The following MYCBP2 variants were observed in gnomAD, a reference collection of about 807,000 sequenced individuals.
The protein encoded by MYCBP2 is MYC binding protein 2, also known as E3 ubiquitin-protein ligase MYCBP2.
In MYCBP2, 120 loss-of-function variants were observed where a neutral mutation model predicts 525.3. The observed-to-expected ratio is 0.23, with a 90% CI of 0.20 to 0.27. The LOEUF (loss-of-function observed/expected upper bound fraction) is 0.27. Ranked by LOEUF, MYCBP2 falls within the 10% of genes least tolerant of loss-of-function variation. The pLI is 1.00. For synonymous variants in MYCBP2, 1,894 were observed against 1,955.8 expected (o/e 0.97, Z 0.83); for missense variants, 4,149 against 5,657.1 (o/e 0.73, Z 8.55).
intron 66 of MYCBP2, 33 bp from the exon 67 acceptor site, chr13:77,077,420 T>G: frequency 6.2e-7 from 1 of 1,611,010 alleles, no homozygotes; most frequent in Non-Finnish European, 8.5e-7. Context: ...GGAACCTGAT[T>G]CAGCTGGATC....
At chr13:77,112,982 CG>C (rs2154147340) in intron 55 of MYCBP2, among the ~76,000 whole-genome samples, 1 of 152,236 alleles carries the variant, frequency 6.6e-6, no homozygotes, top group South Asian at 2.1e-4. Context: ...TCTCCTTCCC[CG>C]TTTTCTCCTA....
At chr13:77,108,477 T>C (rs1473787412) in intron 55 of MYCBP2, among the ~76,000 whole-genome samples, 2 of 152,172 alleles carry the variant, frequency 1.3e-5, no homozygotes, top group African/African-American at 4.8e-5. Flanking sequence ...AGGTTGGATA[T>C]GCTTTTAAAA....
intron 62 of MYCBP2, among the ~76,000 whole-genome samples, chr13:77,084,688 TA>T (rs2043912888): frequency 6.6e-6 from 1 of 152,090 alleles, no homozygotes; most frequent in Non-Finnish European, 1.5e-5. Context: ...CTGGTTGGAC[TA>T]AAACTTCAGA....
At chr13:77,179,157 A>G (rs2059982994) in intron 34 of MYCBP2, among the ~76,000 whole-genome samples, 1 of 152,212 alleles carries the variant, frequency 6.6e-6, no homozygotes, top group Non-Finnish European at 1.5e-5. Context: ...TAATGTGTAT[A>G]TATTGGATGG....
intron 61 of MYCBP2, 69 bp downstream of exon 61, chr13:77,088,763 A>G: frequency 7.4e-7 from 1 of 1,353,528 alleles, no homozygotes; most frequent in African/African-American, 1.4e-5. Flanking sequence ...AAAAAGTGGC[A>G]TCGTGAAATA....
At chr13:77,125,271 A>G (rs367995669) in intron 54 of MYCBP2, 65 bp downstream of exon 54, 1 of 1,572,386 alleles carries the variant, frequency 6.4e-7, no homozygotes, top group African/African-American at 1.4e-5. Context: ...AAGCAATACA[A>G]TAGGCATTAA....
chr13:77,199,123 G>C (rs992498068), intron 26 of MYCBP2, among the ~76,000 whole-genome samples: 18 of 152,196 alleles, frequency 1.2e-4, no homozygotes, highest in African/African-American at 3.9e-4. Context: ...ATTTCCATCT[G>C]AGGTACCGGG....
intron 17 of MYCBP2, among the ~76,000 whole-genome samples, chr13:77,235,221 T>C (rs760865489): frequency 2.4e-4 from 37 of 151,936 alleles, no homozygotes; most frequent in Non-Finnish European, 4.4e-4. Context: ...AACTATGAAA[T>C]ATTACAATAA....
chr13:77,162,192 G>T (rs1256138678), intron 43 of MYCBP2, among the ~76,000 whole-genome samples: 2 of 152,126 alleles, frequency 1.3e-5, no homozygotes, highest in Non-Finnish European at 2.9e-5. Context: ...TGGGTGATTT[G>T]CCAAAGATAT....
rs554984951 is a variant in MYCBP2, at chr13:77,179,073, A to C, written c.5133+1054T>G. On this transcript the variant is annotated intron_variant, in intron 34 of 82. Coordinates refer to ENST00000544440, the MANE Select transcript of MYCBP2 (RefSeq NM_015057.5). The stretch of plus-strand genomic sequence containing the variant: ...TTAGCTCAAGTGTATGCGATGAACC[A>C]TATGTATGCGAATTTCTTACGTATG... Among the ~76,000 whole-genome samples, 72 of 152,346 alleles carry C rather than the reference A, an allele frequency of 4.7e-4. 2 individuals carry two copies. The South Asian group carries it at 0.015, about 32-fold the overall frequency.
intron 1 of MYCBP2, among the ~76,000 whole-genome samples, chr13:77,313,316 C>T (rs2080504247): frequency 1.3e-5 from 2 of 151,698 alleles, no homozygotes; most frequent in South Asian, 2.1e-4. Flanking sequence ...GCAAAGTAAA[C>T]TTAAAGAAAG....
In MYCBP2 at chr13:77,125,488, A is replaced by G. The variant is rs1455637188; in HGVS notation, c.7885-20T>C. ...GGTTACCTGGTACATAACAAAAAGC[A>G]TGATTGATTGGCTTGATTCTTTCAG... On this transcript the variant is annotated intron_variant, in intron 53 of 82. Transcript: ENST00000544440. 6.2e-7 allele frequency: 1 copy of G among 1,612,098 alleles called. No homozygotes were observed. The highest frequency in any genetic ancestry group is 8.5e-7 in the Non-Finnish European group (1 of 1,179,178).
intron 1 of MYCBP2, among the ~76,000 whole-genome samples, chr13:77,308,708 A>C (rs1248326926): frequency 6.6e-6 from 1 of 152,252 alleles, no homozygotes; most frequent in Non-Finnish European, 1.5e-5. Context: ...GAAAAACACC[A>C]GTAGGGAAAA....
chr13:77,161,761 T>A, intron 44 of MYCBP2, 145 bp downstream of exon 44: 1 of 580,984 alleles, frequency 1.7e-6, no homozygotes, highest in Non-Finnish European at 3.0e-6. Context: ...GGAGCAATGA[T>A]AAGTTATTTA....
At chr13:77,208,835 T>C (rs1420694798) in intron 23 of MYCBP2, among the ~76,000 whole-genome samples, 1 of 152,212 alleles carries the variant, frequency 6.6e-6, no homozygotes, top group African/African-American at 2.4e-5. Flanking sequence ...TGTAAATTTG[T>C]ATGTGGGAAA....
chr13:77,087,636 G>A lies in MYCBP2; in HGVS notation c.10726-3C>T. ...TTACACAGAAGCCAGTTGAAAGCCTGAAGAAATGACGGTTAAATGAGTTCA... is the reference window on the plus strand; with the variant it reads ...TTACACAGAAGCCAGTTGAAAGCCTAAAGAAATGACGGTTAAATGAGTTCA... On this transcript the variant is annotated splice_polypyrimidine_tract_variant and splice_region_variant and intron_variant, in intron 61 of 82. Coordinates refer to ENST00000544440, the MANE Select transcript of MYCBP2 (RefSeq NM_015057.5). 6.2e-7 allele frequency: 1 copy of A among 1,608,272 alleles called. No homozygotes were observed. The highest frequency in any genetic ancestry group is 8.5e-7 in the Non-Finnish European group (1 of 1,177,482).
Position 77,164,525 on chromosome 13 carries a change from T to C in MYCBP2, c.6476A>G (p.Glu2159Gly). ...PGPDEGVIQL[E>G]KELANLGGVC... The stretch of plus-strand genomic sequence containing the variant: ...CCCACCAAGATTGGCTAATTCTTTT[T>C]CCAATTGGATGACTCCCTATGGAAT... Residue 2159 changes from glutamate to glycine, a missense_variant, in exon 43 of 83, where the codon GAA (glutamate) becomes GGA (glycine). Glu to Gly is a moderately conservative substitution (Grantham distance 98). Around this residue, in one of 21 missense-constraint regions of MYCBP2, gnomAD observed 692 missense variants for 852.7 expected, o/e 0.81. Coordinates refer to ENST00000544440, the MANE Select transcript of MYCBP2 (RefSeq NM_015057.5). 6.2e-7 allele frequency: 1 copy of C among 1,610,990 alleles called. No homozygotes were observed. Among genetic ancestry groups the C allele is most frequent in the Non-Finnish European group, 8.5e-7 (1 of 1,177,198 alleles).
In MYCBP2 at chr13:77,081,204, G is replaced by A; in HGVS notation, c.11418+223C>T. The stretch of plus-strand genomic sequence containing the variant: ...TTTCATTTTGCTTAGCTGTAGCCAT[G>A]GTATATTTGTAATCAGACCTCTTTT... On this transcript the variant is annotated intron_variant, in intron 65 of 82. Coordinates refer to ENST00000544440, the MANE Select transcript of MYCBP2 (RefSeq NM_015057.5). This position sits in a 1 kb window ranked among gnomAD's most constrained non-coding sequence, Gnocchi z 4.6. 2.0e-6 allele frequency: 1 copy of A among 489,754 alleles called. No individual in the cohort carries two copies. Among genetic ancestry groups the A allele is most frequent in the Non-Finnish European group, 3.6e-6 (1 of 278,782 alleles). 30.3% of individuals were successfully genotyped at this position (489,754 alleles called of 1,614,324 possible).
intron 55 of MYCBP2, among the ~76,000 whole-genome samples, chr13:77,102,575 T>G (rs1265205947): frequency 1.3e-5 from 2 of 151,468 alleles, no homozygotes; most frequent in Non-Finnish European, 3.0e-5. Context: ...AAAACATATT[T>G]TTAAATTGTC....
Sources: gnomAD v4.1 joint callset for allele counts (sites outside exome capture counted in the v4.1 genomes callset) on GRCh38, gnomAD v4.1.1 for gene constraint, gnomAD v4.1.1 regional missense constraint, Gnocchi (gnomAD v3.1) non-coding constraint, MANE v1.5 for transcripts, NCBI Gene and HGNC (gene_info 2026-07-23, HGNC 2026-07-21) for gene names.